Variants in MACROD2 observed in about 807,000 individuals in gnomAD.
The protein encoded by MACROD2 is mono-ADP ribosylhydrolase 2.
MACROD2 carries 36 observed loss-of-function variants against 70.4 expected under a neutral mutation model. That is an observed-to-expected ratio of 0.51 (90% CI 0.39 to 0.68). MACROD2 has a LOEUF of 0.68. Among genes scored for constraint, MACROD2 ranks in the 30% least tolerant of loss-of-function variants. The pLI is 0.00. For missense variants in MACROD2, 496 were observed against 538.4 expected, an observed-to-expected ratio of 0.92 and a Z score of 0.78; for synonymous variants, 172 against 178.8, an observed-to-expected ratio of 0.96 and a Z score of 0.30.
intron 4 of MACROD2, among the ~76,000 whole-genome samples, chr20:14,604,541 C>G (rs1210123841): frequency 6.6e-6 from 1 of 152,170 alleles, no homozygotes; most frequent in South Asian, 2.1e-4. Flanking sequence ...GGGCTTTCTG[C>G]ATAAGCCTCA....
At chr20:15,253,842 G>A (rs1045900565) in intron 6 of MACROD2, among the ~76,000 whole-genome samples, 11 of 152,166 alleles carry the variant, frequency 7.2e-5, no homozygotes, top group African/African-American at 1.7e-4. Context: ...TGCAGTCACC[G>A]AAGCAAAATC....
At chr20:15,234,009 A>ATTTTTTTTTTTTTTT (rs1342277075) in intron 6 of MACROD2, among the ~76,000 whole-genome samples, 2 of 39,994 alleles carry the variant, frequency 5.0e-5, no homozygotes, top group African/African-American at 8.6e-5. Flanking sequence ...ATATATATAT[A>ATTTTTTTTTTTTTTT]TTCTTTTTTT....
At chr20:15,323,890 A>G (rs1179669949) in intron 6 of MACROD2, among the ~76,000 whole-genome samples, 1 of 152,126 alleles carries the variant, frequency 6.6e-6, no homozygotes, top group Non-Finnish European at 1.5e-5. Context: ...AATGCCATGT[A>G]GACCTCATGT....
chr20:15,914,609 C>A (rs2065285628), intron 10 of MACROD2, among the ~76,000 whole-genome samples: 1 of 152,200 alleles, frequency 6.6e-6, no homozygotes, highest in Admixed American at 6.5e-5. Flanking sequence ...TGTTTCTACT[C>A]ATAATACTTC....
At chr20:14,862,037 A>T (rs1275568129) in intron 5 of MACROD2, among the ~76,000 whole-genome samples, 2 of 11,370 alleles carry the variant, frequency 1.8e-4, no homozygotes, top group African/African-American at 5.8e-4. Context: ...ATTTATATAT[A>T]TTTATATATA....
intron 5 of MACROD2, among the ~76,000 whole-genome samples, chr20:15,156,250 T>C (rs2076306213): frequency 6.6e-6 from 1 of 152,214 alleles, no homozygotes; most frequent in African/African-American, 2.4e-5. Context: ...TTGTCCTTTA[T>C]TTCCCAGGTT....
intron 8 of MACROD2, among the ~76,000 whole-genome samples, chr20:15,647,024 G>A (rs554637449): frequency 6.6e-6 from 1 of 152,092 alleles, no homozygotes; most frequent in South Asian, 2.1e-4. Flanking sequence ...CTCATTCTGT[G>A]GTATCGTTTA....
At chr20:14,898,450 C>T (rs958195053) in intron 5 of MACROD2, among the ~76,000 whole-genome samples, 1 of 152,028 alleles carries the variant, frequency 6.6e-6, no homozygotes, top group African/African-American at 2.4e-5. Context: ...GGAAATAGGC[C>T]AGGTGCCGTG....
intron 5 of MACROD2, among the ~76,000 whole-genome samples, chr20:15,019,656 C>T (rs540457183): frequency 9.9e-5 from 15 of 151,622 alleles, no homozygotes; most frequent in African/African-American, 2.7e-4. Context: ...TCTTCTAGAA[C>T]GTAATGATAC....
At chr20:15,060,188 G>A (rs547689741) in intron 5 of MACROD2, among the ~76,000 whole-genome samples, 2 of 152,304 alleles carry the variant, frequency 1.3e-5, no homozygotes, top group East Asian at 3.9e-4. Context: ...AGTTGGTTAA[G>A]CTGGAATTCC....
At chr20:14,192,087 C>T (rs2081393827) in intron 3 of MACROD2, among the ~76,000 whole-genome samples, 1 of 152,150 alleles carries the variant, frequency 6.6e-6, no homozygotes, top group African/African-American at 2.4e-5. Context: ...AGGATCTAGA[C>T]ACTAGTAGGC....
At chr20:14,237,526 A>G (rs866303947) in intron 3 of MACROD2, among the ~76,000 whole-genome samples, 1 of 150,694 alleles carries the variant, frequency 6.6e-6, no homozygotes, top group African/African-American at 2.4e-5. Flanking sequence ...AGTTCTATTA[A>G]TTCTTTATTT....
At chr20:14,950,595 G>A (rs924701962) in intron 5 of MACROD2, among the ~76,000 whole-genome samples, 14 of 152,100 alleles carry the variant, frequency 9.2e-5, no homozygotes, top group African/African-American at 3.4e-4. Context: ...TGTTTTGTTA[G>A]GTTTGTTGCT....
chr20:15,104,568 T>G (rs1455066348), intron 5 of MACROD2, among the ~76,000 whole-genome samples: 3 of 152,172 alleles, frequency 2.0e-5, no homozygotes, highest in Non-Finnish European at 1.5e-5. Flanking sequence ...CGTTTGATAC[T>G]TCAGCAGGTA....
intron 12 of MACROD2, among the ~76,000 whole-genome samples, chr20:15,938,456 GGTGATCA>G (rs1264146218): frequency 6.6e-6 from 1 of 152,038 alleles, no homozygotes; most frequent in Admixed American, 6.6e-5. Context: ...TGTCTGTAAT[GGTGATCA>G]GTGATCAGTG....
chr20:14,639,529 G>A (rs1023371825), intron 4 of MACROD2, among the ~76,000 whole-genome samples: 1 of 152,048 alleles, frequency 6.6e-6, no homozygotes, highest in African/African-American at 2.4e-5. Flanking sequence ...CCTGTCTGTG[G>A]CCAGACAGGA....
At chr20:15,052,799 T>C (rs2075453277) in intron 5 of MACROD2, among the ~76,000 whole-genome samples, 1 of 152,200 alleles carries the variant, frequency 6.6e-6, no homozygotes, top group African/African-American at 2.4e-5. Flanking sequence ...GCGGAAGGCA[T>C]GTTGAAAGCA....
At chr20:14,291,119 TAA>T (rs1367862875) in intron 3 of MACROD2, among the ~76,000 whole-genome samples, 1 of 152,206 alleles carries the variant, frequency 6.6e-6, no homozygotes, top group Non-Finnish European at 1.5e-5. Flanking sequence ...TCCACAGAAA[TAA>T]CTTTTTTATC....
intron 9 of MACROD2, among the ~76,000 whole-genome samples, chr20:15,873,944 C>A (rs1234667985): frequency 6.6e-6 from 1 of 151,892 alleles, no homozygotes; most frequent in African/African-American, 2.4e-5. Flanking sequence ...ACTTTAAGTT[C>A]TAGGGTACAG....
Sources: gnomAD v4.1 joint callset for allele counts (sites outside exome capture counted in the v4.1 genomes callset) on GRCh38, gnomAD v4.1.1 for gene constraint, MANE v1.5 for transcripts, NCBI Gene and HGNC (gene_info 2026-07-23, HGNC 2026-07-21) for gene names.